The following RFX8 variants were observed in gnomAD, a reference collection of about 807,000 sequenced individuals.
The protein encoded by RFX8 is regulatory factor X8.
Under a neutral mutation model 54.6 loss-of-function variants are expected in RFX8, and 46 were observed. The ratio of observed to expected loss-of-function variants is 0.84; its 90% CI spans 0.67 to 1.08. The LOEUF is 1.08. Ranked by LOEUF, RFX8 falls within the 50% of genes least tolerant of loss-of-function variation. RFX8 has a pLI of 0.00. For synonymous variants in RFX8, 192 were observed against 209.5 expected, an observed-to-expected ratio of 0.92 and a Z score of 0.72; for missense variants, 536 against 562.3, an observed-to-expected ratio of 0.95 and a Z score of 0.47.
At chr2:101,425,654 C>T (rs1295975556) in intron 2 of RFX8, among the ~76,000 whole-genome samples, 2 of 152,116 alleles carry the variant, frequency 1.3e-5, no homozygotes, top group Non-Finnish European at 2.9e-5. Flanking sequence ...GAGGTCTCTT[C>T]CTCCATAGAC....
intron 2 of RFX8, among the ~76,000 whole-genome samples, chr2:101,446,573 T>C (rs1688394783): frequency 6.6e-6 from 1 of 152,154 alleles, no homozygotes; most frequent in Non-Finnish European, 1.5e-5. Context: ...CTTGCCTTTA[T>C]CTTTGTCCTC....
chr2:101,437,573 C>CA lies in RFX8; in HGVS notation c.73-15102dup, dbSNP rs200887619. On this transcript the variant is annotated intron_variant, in intron 2 of 11. Transcript: ENST00000428343. The stretch of plus-strand genomic sequence containing the variant: ...ACTCCAGCCTGGGCAACAGGTGTTT[C>CA]AAAAAAAAGAAAAGAAAAAAAGGAA... Among the ~76,000 whole-genome samples the CA allele has an allele frequency of 1.2e-3, 160 of 130,070 alleles. 3 individuals carry two copies. In the East Asian group the frequency reaches 0.03, roughly 24 times the overall value. 85.3% of individuals were successfully genotyped at this position (130,070 alleles called of 152,430 possible).
intron 6 of RFX8, among the ~76,000 whole-genome samples, chr2:101,416,128 G>A (rs564322494): frequency 2.6e-5 from 4 of 152,242 alleles, no homozygotes; most frequent in Admixed American, 2.6e-4. Context: ...TGGAGGCCAG[G>A]GAAGGTTGGT....
chr2:101,424,281 T>C (rs927909681), intron 2 of RFX8, among the ~76,000 whole-genome samples: 2 of 152,166 alleles, frequency 1.3e-5, no homozygotes, highest in Admixed American at 6.5e-5. Flanking sequence ...TCATCATCAC[T>C]GGTCATCAAA....
intron 2 of RFX8, among the ~76,000 whole-genome samples, chr2:101,464,401 C>A (rs1689459474): frequency 6.6e-6 from 1 of 152,196 alleles, no homozygotes; most frequent in African/African-American, 2.4e-5. Context: ...CCATCACATG[C>A]CCAGTACCGC....
intron 2 of RFX8, among the ~76,000 whole-genome samples, chr2:101,455,020 C>T (rs1473940545): frequency 2.8e-5 from 4 of 142,320 alleles, no homozygotes; most frequent in Non-Finnish European, 6.1e-5. Flanking sequence ...TTTCTTTTTT[C>T]TTTTTTTTTT....
At chr2:101,414,709 T>C in intron 7 of RFX8, 145 bp downstream of exon 7, 1 of 582,730 alleles carries the variant, frequency 1.7e-6, no homozygotes, top group Admixed American at 2.6e-5. Flanking sequence ...TGGACTCCTC[T>C]GCCAATGGCC....
chr2:101,432,446 G>C (rs949647884), intron 2 of RFX8, among the ~76,000 whole-genome samples: 12 of 152,182 alleles, frequency 7.9e-5, no homozygotes, highest in Admixed American at 2.0e-4. Context: ...GGCAGGCAAG[G>C]CTGGACTAGG....
At chr2:101,474,050 C>T (rs1410936686) in intron 1 of RFX8, among the ~76,000 whole-genome samples, 1 of 152,198 alleles carries the variant, frequency 6.6e-6, no homozygotes, top group Non-Finnish European at 1.5e-5. Flanking sequence ...CTCCGCGCTG[C>T]GGCGGGCGAG....
chr2:101,457,992 T>C (rs567699793), intron 2 of RFX8, among the ~76,000 whole-genome samples: 1 of 152,340 alleles, frequency 6.6e-6, no homozygotes, highest in African/African-American at 2.4e-5. Context: ...TTGATCTTTG[T>C]TGGTTTAAAG....
chr2:101,440,284 C>T (rs563889706), intron 2 of RFX8, among the ~76,000 whole-genome samples: 1 of 152,256 alleles, frequency 6.6e-6, no homozygotes, highest in South Asian at 2.1e-4. Context: ...GTTTGGCCCT[C>T]GGCTAGGGTC....
At chr2:101,411,980 G>T (rs755346069) in intron 8 of RFX8, among the ~76,000 whole-genome samples, 2 of 152,220 alleles carry the variant, frequency 1.3e-5, no homozygotes, top group Non-Finnish European at 2.9e-5. Flanking sequence ...CCAGTGCAAT[G>T]CTGGGTGGCC....
At chr2:101,445,681 T>C (rs1688337719) in intron 2 of RFX8, among the ~76,000 whole-genome samples, 1 of 152,112 alleles carries the variant, frequency 6.6e-6, no homozygotes, top group South Asian at 2.1e-4. Flanking sequence ...CTGCCCATGT[T>C]GGCCTCCCAA....
chr2:101,398,527 C>G (rs757464662), intron 11 of RFX8, among the ~76,000 whole-genome samples: 1 of 152,180 alleles, frequency 6.6e-6, no homozygotes, highest in Middle Eastern at 3.4e-3. Flanking sequence ...CTCTCCTTCC[C>G]CCATCCGTCA....
chr2:101,423,413 T>C lies in RFX8; in HGVS notation c.73-941A>G, dbSNP rs551469082. 2.6e-5 allele frequency among the ~76,000 whole-genome samples: 4 copies of C among 152,308 alleles called. No homozygotes were observed. The East Asian group carries it at 7.7e-4, about 29-fold the overall frequency. The stretch of plus-strand genomic sequence containing the variant: ...GGAGGCATGAGGGCTCCTCCTGGTC[T>C]GAATAAAGGGTATCAATTTTATTTG... On this transcript the variant is annotated intron_variant, in intron 2 of 11. Coordinates refer to ENST00000428343, the MANE Select transcript of RFX8 (RefSeq NM_001145664.2).
chr2:101,448,996 T>A (rs991243104), intron 2 of RFX8, among the ~76,000 whole-genome samples: 1 of 152,120 alleles, frequency 6.6e-6, no homozygotes, highest in Non-Finnish European at 1.5e-5. Context: ...GATGGTCCCA[T>A]GGGGCAGGTG....
intron 2 of RFX8, among the ~76,000 whole-genome samples, chr2:101,466,535 C>T (rs751468838): frequency 6.6e-6 from 1 of 152,146 alleles, no homozygotes; most frequent in Non-Finnish European, 1.5e-5. Context: ...TAATTACATT[C>T]CCTTAGGTGC....
chr2:101,440,328 C>T (rs1035928549), intron 2 of RFX8, among the ~76,000 whole-genome samples: 2 of 152,156 alleles, frequency 1.3e-5, no homozygotes, highest in African/African-American at 2.4e-5. Context: ...TCCCAGTCAA[C>T]CGTTAGCTGA....
intron 10 of RFX8, among the ~76,000 whole-genome samples, chr2:101,404,832 G>C (rs1685638377): frequency 6.6e-6 from 1 of 152,188 alleles, no homozygotes; most frequent in Non-Finnish European, 1.5e-5. Flanking sequence ...GAAGGGAAGA[G>C]TCCCACTATA....
Sources: gnomAD v4.1 joint callset for allele counts (sites outside exome capture counted in the v4.1 genomes callset) on GRCh38, gnomAD v4.1.1 for gene constraint, MANE v1.5 for transcripts, NCBI Gene and HGNC (gene_info 2026-07-23, HGNC 2026-07-21) for gene names.